Variants in MTUS2 observed in about 807,000 individuals in gnomAD.
MTUS2 encodes the protein microtubule associated scaffold protein 2.
Under a neutral mutation model 114.1 loss-of-function variants are expected in MTUS2, and 40 were observed. That is an observed-to-expected ratio of 0.35 (90% CI 0.27 to 0.46). The LOEUF is 0.46. Among genes scored for constraint, MTUS2 ranks in the 20% least tolerant of loss-of-function variants. MTUS2 has a pLI of 1.00. For synonymous variants in MTUS2, 688 were observed against 672.0 expected, an observed-to-expected ratio of 1.02 and a Z score of -0.37; for missense variants, 1,679 against 1,705.4, an observed-to-expected ratio of 0.98 and a Z score of 0.27.
intron 8 of MTUS2, among the ~76,000 whole-genome samples, chr13:29,389,387 A>ACG (rs1268147609): frequency 5.6e-5 from 2 of 35,486 alleles, no homozygotes; most frequent in Non-Finnish European, 1.6e-4. Flanking sequence ...ATATGTATAC[A>ACG]CGTGTGTGTA....
chr13:29,273,095 C>T lies in MTUS2; in HGVS notation c.2645-8609C>T, dbSNP rs552153835. On this transcript the variant is annotated intron_variant, in intron 5 of 15. Coordinates refer to ENST00000612955, the MANE Select transcript of MTUS2 (RefSeq NM_001033602.4). The stretch of plus-strand genomic sequence containing the variant: ...CCCAATCACCTTTAAGCCCCCATCT[C>T]TTAATACTATCACATTGGCAACATC... Among the ~76,000 whole-genome samples, 6 of 152,314 alleles carry T rather than the reference C, an allele frequency of 3.9e-5. No homozygotes were observed. In the South Asian group the frequency reaches 1.0e-3, roughly 26 times the overall value.
chr13:29,212,600 TCTC>T (rs1426087724), intron 5 of MTUS2, among the ~76,000 whole-genome samples: 4 of 150,824 alleles, frequency 2.7e-5, no homozygotes, highest in Non-Finnish European at 5.9e-5. Context: ...CTCACAATCT[TCTC>T]CTTAAGTAAT....
chr13:29,329,351 T>G (rs1221916350), intron 7 of MTUS2, among the ~76,000 whole-genome samples: 1 of 151,090 alleles, frequency 6.6e-6, no homozygotes, highest in African/African-American at 2.4e-5. Context: ...CCATATGTTC[T>G]TGTTATTCAG....
At chr13:28,856,612 G>A (rs1048657181) in intron 2 of MTUS2, among the ~76,000 whole-genome samples, 12 of 152,156 alleles carry the variant, frequency 7.9e-5, no homozygotes, top group African/African-American at 2.9e-4. Flanking sequence ...GCAGTTGTGT[G>A]CATCTGCAAA....
At position 29,350,364 on chromosome 13, in the gene MTUS2, GT is replaced by G. The variant is rs1253138015; in HGVS notation, c.2906-8896del. ...TACCAGAGTCCTTGTTTCCTTGCTG[GT>G]TATCAGTCAGGGACCACCTTCAGCT... On this transcript the variant is annotated intron_variant, in intron 7 of 15. Coordinates refer to ENST00000612955, the MANE Select transcript of MTUS2 (RefSeq NM_001033602.4). Among the ~76,000 whole-genome samples the G allele has an allele frequency of 4.7e-5, 7 of 150,206 alleles. No individual in the cohort carries two copies. In the East Asian group the frequency reaches 1.4e-3, roughly 29 times the overall value.
chr13:29,022,769 T>C (rs964741741), intron 2 of MTUS2, among the ~76,000 whole-genome samples: 8 of 152,226 alleles, frequency 5.3e-5, no homozygotes, highest in African/African-American at 1.9e-4. Context: ...GATGAAACAA[T>C]GTCAACCTTG....
At chr13:29,317,421 T>G (rs1036739485) in intron 6 of MTUS2, among the ~76,000 whole-genome samples, 10 of 85,488 alleles carry the variant, frequency 1.2e-4, no homozygotes, top group African/African-American at 3.7e-4. Context: ...GTGCGCGCGC[T>G]CTCTCTCTCT....
chr13:28,852,617 C>G (rs1182205652), intron 2 of MTUS2, among the ~76,000 whole-genome samples: 1 of 152,090 alleles, frequency 6.6e-6, no homozygotes, highest in Non-Finnish European at 1.5e-5. Flanking sequence ...ATAATCCCAG[C>G]ACTTTGGGAG....
At chr13:28,968,746 ATTT>A (rs1041893194) in intron 2 of MTUS2, among the ~76,000 whole-genome samples, 19 of 152,168 alleles carry the variant, frequency 1.2e-4, no homozygotes, top group Non-Finnish European at 2.6e-4. Flanking sequence ...TTCTTTGAAG[ATTT>A]TTAACTTTTT....
intron 4 of MTUS2, among the ~76,000 whole-genome samples, chr13:29,045,224 C>A (rs1463315560): frequency 2.0e-5 from 3 of 152,260 alleles, no homozygotes; most frequent in Non-Finnish European, 4.4e-5. Flanking sequence ...GCTGCTATAA[C>A]AAATACCATA....
intron 5 of MTUS2, among the ~76,000 whole-genome samples, chr13:29,280,241 A>G (rs1302763485): frequency 2.0e-5 from 3 of 152,238 alleles, no homozygotes; most frequent in Non-Finnish European, 4.4e-5. Context: ...TCTGACACCC[A>G]GGATACAGTG....
At chr13:29,205,536 T>C (rs1895149475) in intron 5 of MTUS2, among the ~76,000 whole-genome samples, 1 of 152,226 alleles carries the variant, frequency 6.6e-6, no homozygotes, top group African/African-American at 2.4e-5. Context: ...GCACCCAGTG[T>C]GTAGTCTTTC....
At chr13:29,262,960 C>T (rs1897532508) in intron 5 of MTUS2, among the ~76,000 whole-genome samples, 1 of 152,116 alleles carries the variant, frequency 6.6e-6, no homozygotes. Context: ...GTCCCAGGCA[C>T]TTTGTAAAGT....
intron 4 of MTUS2, among the ~76,000 whole-genome samples, chr13:29,078,274 A>G (rs951948740): frequency 2.0e-5 from 3 of 152,226 alleles, no homozygotes; most frequent in Non-Finnish European, 2.9e-5. Flanking sequence ...TTCATTTAGA[A>G]GAGTCTTTGA....
intron 4 of MTUS2, among the ~76,000 whole-genome samples, chr13:29,090,751 G>C (rs1238919113): frequency 6.6e-6 from 1 of 152,194 alleles, no homozygotes; most frequent in Non-Finnish European, 1.5e-5. Context: ...CTTTAGGTCT[G>C]GTAGCTAATG....
intron 8 of MTUS2, among the ~76,000 whole-genome samples, chr13:29,377,564 T>G (rs1030695125): frequency 6.6e-6 from 1 of 152,156 alleles, no homozygotes; most frequent in Non-Finnish European, 1.5e-5. Flanking sequence ...TTAGAAAATA[T>G]TTTGAACTGA....
At chr13:28,841,948 T>G (rs1316277203) in intron 2 of MTUS2, among the ~76,000 whole-genome samples, 1 of 152,130 alleles carries the variant, frequency 6.6e-6, no homozygotes, top group Non-Finnish European at 1.5e-5. Context: ...GCCTCCCAAA[T>G]TGCTGGGATT....
At chr13:29,162,943 G>T (rs1169704882) in intron 5 of MTUS2, among the ~76,000 whole-genome samples, 1 of 152,124 alleles carries the variant, frequency 6.6e-6, no homozygotes, top group Non-Finnish European at 1.5e-5. Context: ...GCACTCTGAA[G>T]GTCAGGAGAA....
At chr13:29,342,760 G>T in intron 7 of MTUS2, among the ~76,000 whole-genome samples, 1 of 152,060 alleles carries the variant, frequency 6.6e-6, no homozygotes, top group East Asian at 1.9e-4. Context: ...AATGCTTTCA[G>T]CTTTCCCCCA....
Sources: gnomAD v4.1 joint callset for allele counts (sites outside exome capture counted in the v4.1 genomes callset) on GRCh38, gnomAD v4.1.1 for gene constraint, MANE v1.5 for transcripts, NCBI Gene and HGNC (gene_info 2026-07-23, HGNC 2026-07-21) for gene names.